OSBPL8: variants seen among roughly 807,000 people sequenced by gnomAD.
OSBPL8 encodes the protein oxysterol-binding protein-related protein 8.
In OSBPL8, 59 loss-of-function variants were observed where a neutral mutation model predicts 125.5. The ratio of observed to expected loss-of-function variants is 0.47; its 90% CI spans 0.38 to 0.58. OSBPL8 has a LOEUF of 0.58. OSBPL8 is among the 20% of genes least tolerant of loss of function. The pLI is 0.00. For missense variants in OSBPL8, 758 were observed against 1,047.8 expected (o/e 0.72, Z 3.82); for synonymous variants, 330 against 338.9 (o/e 0.97, Z 0.29).
chr12:76,496,370 ATT>A lies in OSBPL8; in HGVS notation c.-67-8754_-67-8753del, dbSNP rs34882613. Among the ~76,000 whole-genome samples, 1,169 of 141,946 alleles carry A rather than the reference ATT, an allele frequency of 8.2e-3. 5 individuals are homozygous for A. Among genetic ancestry groups the A allele is most frequent in the Middle Eastern group, 0.04 (11 of 278 alleles). 93.1% of individuals were successfully genotyped at this position (141,946 alleles called of 152,430 possible). On this transcript the variant is annotated intron_variant, in intron 1 of 23. Transcript: ENST00000261183. The stretch of plus-strand genomic sequence containing the variant: ...CATGTTGATGAATAAATGCTGTGTA[ATT>A]TTTTTTTTTTTTTTGACAGTGTCTT...
intron 2 of OSBPL8, among the ~76,000 whole-genome samples, chr12:76,476,207 G>A (rs1430521107): frequency 1.3e-5 from 2 of 152,002 alleles, no homozygotes; most frequent in Non-Finnish European, 2.9e-5. Context: ...TTAGTCCCTG[G>A]GCTCTTACCT....
intron 15 of OSBPL8, among the ~76,000 whole-genome samples, chr12:76,382,831 C>A (rs1006071657): frequency 1.3e-5 from 2 of 152,070 alleles, no homozygotes; most frequent in African/African-American, 4.8e-5. Flanking sequence ...TGCAGTGAGC[C>A]GAGATTGTGC....
At chr12:76,540,522 G>A (rs1950611597) in intron 1 of OSBPL8, among the ~76,000 whole-genome samples, 1 of 148,426 alleles carries the variant, frequency 6.7e-6, no homozygotes, top group Non-Finnish European at 1.5e-5. Flanking sequence ...GTGTGTGTGT[G>A]TGTGTACAGA....
At chr12:76,513,926 G>A (rs1312214655) in intron 1 of OSBPL8, among the ~76,000 whole-genome samples, 1 of 151,830 alleles carries the variant, frequency 6.6e-6, no homozygotes, top group Non-Finnish European at 1.5e-5. Context: ...CTGAAGGTTA[G>A]TATTAATATG....
At chr12:76,556,057 C>T (rs569995465) in intron 1 of OSBPL8, among the ~76,000 whole-genome samples, 20 of 152,268 alleles carry the variant, frequency 1.3e-4, no homozygotes, top group African/African-American at 4.8e-4. Flanking sequence ...ATGACCTGTT[C>T]CCCTTCTCCC....
At chr12:76,438,515 T>C in intron 4 of OSBPL8, among the ~76,000 whole-genome samples, 1 of 152,096 alleles carries the variant, frequency 6.6e-6, no homozygotes. Flanking sequence ...AGGGGGTCTG[T>C]ATAGAACAGT....
intron 12 of OSBPL8, among the ~76,000 whole-genome samples, chr12:76,387,814 C>T (rs1380846557): frequency 6.6e-6 from 1 of 152,070 alleles, no homozygotes. Context: ...GGTTTAAATT[C>T]CCTTACTATG....
rs1284526280 is a variant in OSBPL8, at chr12:76,386,651, A to C, written c.1362T>G (p.Leu454=). The change falls in exon 13 of 24, where the codon CTT becomes CTG. Residue 454 remains leucine (L), a synonymous_variant. Transcript: ENST00000261183. ...TCAAACGGAAATAAGGATTTTCTTC[A>C]AGAGCTGCCCTAAAACACAAAACGG... is the stretch of plus-strand genomic sequence containing the variant. ...YHADFLSEAA[L]EENPYFRLKK... 1 of 1,603,920 alleles carries C rather than the reference A, an allele frequency of 6.2e-7. No homozygotes were observed. Among genetic ancestry groups the C allele is most frequent in the Non-Finnish European group, 8.5e-7 (1 of 1,174,686 alleles).
intron 1 of OSBPL8, among the ~76,000 whole-genome samples, chr12:76,540,736 C>T (rs777930877): frequency 6.0e-5 from 9 of 151,018 alleles, no homozygotes; most frequent in African/African-American, 7.3e-5. Context: ...AAAATTATCC[C>T]AAAATGGCTT....
intron 4 of OSBPL8, among the ~76,000 whole-genome samples, chr12:76,442,701 G>GT (rs2136669515): frequency 6.6e-6 from 1 of 152,208 alleles, no homozygotes; most frequent in South Asian, 2.1e-4. Context: ...TGTTATATGT[G>GT]TACAGTCCCA....
intron 3 of OSBPL8, among the ~76,000 whole-genome samples, chr12:76,454,042 A>C (rs1286845942): frequency 1.3e-5 from 2 of 152,258 alleles, no homozygotes; most frequent in African/African-American, 4.8e-5. Flanking sequence ...TGATAATACC[A>C]AATACTGATG....
chr12:76,378,331 G>T, intron 16 of OSBPL8, 121 bp downstream of exon 16: 1 of 668,848 alleles, frequency 1.5e-6, no homozygotes, highest in Non-Finnish European at 2.5e-6. Context: ...TGTAATCCAA[G>T]GATGCTTTCA....
chr12:76,479,470 C>T lies in OSBPL8; in HGVS notation c.42+8040G>A, dbSNP rs190318267. 5.6e-4 allele frequency among the ~76,000 whole-genome samples: 86 copies of T among 152,276 alleles called. 2 individuals carry two copies. Among genetic ancestry groups the T allele is most frequent in the African/African-American group, 2.0e-3 (85 of 41,558 alleles). ...TTCTTTCCAGCCTCCACTTTTCTAA[C>T]CCAATTAGAATTCTAATGTATACCA... On this transcript the variant is annotated intron_variant, in intron 2 of 23. Coordinates refer to ENST00000261183, the MANE Select transcript of OSBPL8 (RefSeq NM_020841.5).
chr12:76,466,978 C>A (rs1272501556), intron 2 of OSBPL8, among the ~76,000 whole-genome samples: 1 of 151,586 alleles, frequency 6.6e-6, no homozygotes, highest in Non-Finnish European at 1.5e-5. Context: ...AAAAAAAAAT[C>A]TTTTTTTAAT....
intron 1 of OSBPL8, among the ~76,000 whole-genome samples, chr12:76,499,852 CA>C (rs63165360): frequency 0.35 from 51,612 of 145,492 alleles, 11,295 homozygotes; most frequent in African/African-American, 0.63. Flanking sequence ...GACTCCATCT[CA>C]AAAAAAAAAA....
intron 6 of OSBPL8, among the ~76,000 whole-genome samples, chr12:76,400,953 T>C (rs1369753967): frequency 6.6e-6 from 1 of 151,946 alleles, no homozygotes; most frequent in Non-Finnish European, 1.5e-5. Context: ...CATGCCTGGC[T>C]AAGTTTTGTA....
At chr12:76,418,829 T>C (rs1198630864) in intron 4 of OSBPL8, among the ~76,000 whole-genome samples, 1 of 151,956 alleles carries the variant, frequency 6.6e-6, no homozygotes, top group Non-Finnish European at 1.5e-5. Flanking sequence ...TGAGACTCCA[T>C]CTCAAAACAA....
At chr12:76,456,761 T>C (rs572512048) in intron 3 of OSBPL8, among the ~76,000 whole-genome samples, 2 of 152,162 alleles carry the variant, frequency 1.3e-5, no homozygotes, top group Admixed American at 6.6e-5. Context: ...ATACAATATA[T>C]ACATAAGCTA....
intron 21 of OSBPL8, among the ~76,000 whole-genome samples, chr12:76,364,962 A>T (rs7138873): frequency 0.78 from 119,232 of 152,074 alleles, 47,070 homozygotes; most frequent in East Asian, 0.92. Flanking sequence ...TTAGTAGTAC[A>T]GTTACGTCCT....
Sources: allele counts gnomAD v4.1 joint callset (sites outside exome capture counted in the v4.1 genomes callset), GRCh38; gene constraint gnomAD v4.1.1; transcripts MANE v1.5; gene names NCBI Gene and HGNC (gene_info 2026-07-23, HGNC 2026-07-21).